The following TENT4B variants were observed in gnomAD, a reference collection of about 807,000 sequenced individuals.
TENT4B encodes terminal nucleotidyltransferase 4B.
TENT4B carries 10 observed loss-of-function variants against 75.0 expected under a neutral mutation model. The ratio of observed to expected loss-of-function variants is 0.13; its 90% CI spans 0.08 to 0.23. TENT4B has a LOEUF of 0.23. TENT4B is among the 10% of genes least tolerant of loss of function. The pLI, the probability that TENT4B is intolerant of heterozygous loss-of-function variation, is 1.00. For synonymous variants in TENT4B, 350 were observed against 357.7 expected (o/e 0.98, Z 0.24); for missense variants, 579 against 893.8 (o/e 0.65, Z 4.49).
chr16:50,228,139 C>G, intron 11 of TENT4B, 136 bp downstream of exon 11: 2 of 1,108,464 alleles, frequency 1.8e-6, no homozygotes, highest in Admixed American at 2.5e-5. Flanking sequence ...CTAAGAGGTT[C>G]CAACACATGA....
In TENT4B at chr16:50,232,352, T is replaced by C; in HGVS notation, c.*3024T>C. 1.0e-6 allele frequency: 1 copy of C among 985,406 alleles called. No individual in the cohort carries two copies. The highest frequency in any genetic ancestry group is 1.2e-6 in the Non-Finnish European group (1 of 829,932). 61.0% of individuals were successfully genotyped at this position (985,406 alleles called of 1,614,324 possible). A position where few individuals can be genotyped will look rare whatever the true frequency, so the allele number is the denominator to read the frequency against. On this transcript the variant is annotated 3_prime_UTR_variant, in exon 12 of 12. Transcript: ENST00000561678. The stretch of plus-strand genomic sequence containing the variant: ...TTGATTCTGTTTTATTTTTATCCTG[T>C]TTTGAGTGTACTTTACCTTTACTTG...
intron 10 of TENT4B, 146 bp from the exon 11 acceptor site, chr16:50,227,693 A>C: frequency 1.2e-6 from 1 of 841,132 alleles, no homozygotes; most frequent in South Asian, 1.9e-5. Context: ...ATTTAAACAA[A>C]CAGTTAATTT....
At chr16:50,224,632 T>G in intron 7 of TENT4B, 25 bp from the exon 8 acceptor site, 1 of 1,613,364 alleles carries the variant, frequency 6.2e-7, no homozygotes, top group Non-Finnish European at 8.5e-7. Context: ...TCAGGCTTAC[T>G]ATGTTACGTA....
At position 50,224,764 on chromosome 16, in the gene TENT4B, C is replaced by T. The variant is rs1478375531; in HGVS notation, c.1489C>T (p.Pro497Ser). 6.2e-7 allele frequency: 1 copy of T among 1,613,842 alleles called. No individual in the cohort carries two copies. The highest frequency in any genetic ancestry group is 8.5e-7 in the Non-Finnish European group (1 of 1,179,886). Reference protein sequence around the residue: ...HAVSPIAKYYPNNETESILGR... With the variant: ...HAVSPIAKYYSNNETESILGR... ...TGTATCACCAATAGCAAAGTACTAT[C>T]CCAACAATGAAACAGAAAGGTAAAA... is the stretch of plus-strand genomic sequence containing the variant. The change falls in exon 8 of 12, where the codon CCC (proline) becomes TCC (serine). Residue 497 changes from proline (P) to serine (S), a missense_variant. Physicochemically the swap from Pro to Ser is moderately conservative, Grantham distance 74. Coordinates refer to ENST00000561678, the MANE Select transcript of TENT4B (RefSeq NM_001365324.3).
chr16:50,182,818 T>G (rs1361854747), intron 1 of TENT4B, among the ~76,000 whole-genome samples: 2 of 151,314 alleles, frequency 1.3e-5, no homozygotes, highest in East Asian at 3.9e-4. Context: ...CCAGAAAGAT[T>G]GTGAGGTTTA....
intron 1 of TENT4B, among the ~76,000 whole-genome samples, chr16:50,177,157 C>G (rs1248073527): frequency 6.6e-6 from 1 of 151,946 alleles, no homozygotes; most frequent in Admixed American, 6.6e-5. Context: ...CATGCACCAC[C>G]ATGCCTGGCT....
At chr16:50,176,310 C>G (rs1255501666) in intron 1 of TENT4B, among the ~76,000 whole-genome samples, 1 of 151,712 alleles carries the variant, frequency 6.6e-6, no homozygotes, top group African/African-American at 2.4e-5. Flanking sequence ...GTCTCAAACT[C>G]CTGAGCTCAT....
rs1385677749 is a variant in TENT4B, at chr16:50,230,659, C to T, written c.*1331C>T. 1 of 985,286 alleles carries T rather than the reference C, an allele frequency of 1.0e-6. No homozygotes were observed. The highest frequency in any genetic ancestry group is 1.7e-5 in the African/African-American group (1 of 57,162). The allele number at this position is 985,286 out of a possible 1,614,324, so 61.0% of individuals were successfully genotyped here. On this transcript the variant is annotated 3_prime_UTR_variant, in exon 12 of 12. Transcript: ENST00000561678. Reference sequence around the variant, plus strand: ...TCCTCTTCTTTCATGGAATTGTTATCGTTAATTAAAACTTTTTTAAACATT... The same window carrying T: ...TCCTCTTCTTTCATGGAATTGTTATTGTTAATTAAAACTTTTTTAAACATT...
At chr16:50,219,173 A>G (rs2031712908) in intron 5 of TENT4B, among the ~76,000 whole-genome samples, 1 of 152,176 alleles carries the variant, frequency 6.6e-6, no homozygotes, top group East Asian at 1.9e-4. Context: ...GCATGATAAC[A>G]TTCATCAGTA....
intron 1 of TENT4B, among the ~76,000 whole-genome samples, chr16:50,201,590 C>G (rs934171012): frequency 3.3e-5 from 5 of 151,994 alleles, no homozygotes; most frequent in Non-Finnish European, 1.5e-5. Flanking sequence ...CACCTATAAT[C>G]CCAGCACTTT....
intron 1 of TENT4B, among the ~76,000 whole-genome samples, chr16:50,160,409 C>G (rs2037981936): frequency 6.6e-6 from 1 of 152,048 alleles, no homozygotes; most frequent in Admixed American, 6.6e-5. Flanking sequence ...ACCCAGTGGT[C>G]ACACAAAAGG....
Position 50,153,820 on chromosome 16 carries a change from G to A in TENT4B, c.199G>A (p.Gly67Ser). ...TATGGSGSSTGSPGGAASAPA... is the reference protein window; with the variant it reads ...TATGGSGSSTSSPGGAASAPA... The stretch of plus-strand genomic sequence containing the variant: ...CACCGGCGGGAGCGGCAGCAGCACC[G>A]GCAGCCCCGGCGGCGCGGCCTCGGC... Residue 67 changes from glycine (G) to serine (S), a missense_variant, in exon 1 of 12, where the codon GGC becomes AGC. Gly to Ser is a moderately conservative substitution (Grantham distance 56). Around this residue, in one of 7 missense-constraint regions of TENT4B, gnomAD observed 253 missense variants for 270.1 expected, o/e 0.94. Transcript: ENST00000561678. 8.1e-7 allele frequency: 1 copy of A among 1,232,590 alleles called. No individual in the cohort carries two copies. Among genetic ancestry groups the A allele is most frequent in the South Asian group, 3.7e-5 (1 of 27,254 alleles). The allele number at this position is 1,232,590 out of a possible 1,614,324, so 76.4% of individuals were successfully genotyped here. A position where few individuals can be genotyped will look rare whatever the true frequency, so the allele number is the denominator to read the frequency against.
chr16:50,164,427 G>A (rs965570654), intron 1 of TENT4B, among the ~76,000 whole-genome samples: 3 of 151,962 alleles, frequency 2.0e-5, no homozygotes, highest in African/African-American at 4.8e-5. Flanking sequence ...TTCTGCCTCA[G>A]CCTCCCGAGT....
chr16:50,211,250 TAA>T, intron 1 of TENT4B, 71 bp from the exon 2 acceptor site: 2 of 1,401,570 alleles, frequency 1.4e-6, no homozygotes, highest in South Asian at 3.0e-5. Flanking sequence ...CTTAATTAGA[TAA>T]GATTATTTAA....
At chr16:50,156,633 C>T (rs1323619684) in intron 1 of TENT4B, among the ~76,000 whole-genome samples, 1 of 152,044 alleles carries the variant, frequency 6.6e-6, no homozygotes, top group Non-Finnish European at 1.5e-5. Context: ...CATGAGCCAC[C>T]GTGCCCGGCC....
intron 1 of TENT4B, among the ~76,000 whole-genome samples, chr16:50,162,694 A>G (rs1387785464): frequency 6.6e-6 from 1 of 152,176 alleles, no homozygotes; most frequent in Non-Finnish European, 1.5e-5. Flanking sequence ...GTAACATTTT[A>G]ACTTTTTTTT....
chr16:50,230,850 C>G lies in TENT4B; in HGVS notation c.*1522C>G. 1 of 985,640 alleles carries G rather than the reference C, an allele frequency of 1.0e-6. No individual in the cohort carries two copies. Among genetic ancestry groups the G allele is most frequent in the Non-Finnish European group, 1.2e-6 (1 of 829,796 alleles). The allele number at this position is 985,640 out of a possible 1,614,324, so 61.1% of individuals were successfully genotyped here. A position where few individuals can be genotyped will look rare whatever the true frequency, so the allele number is the denominator to read the frequency against. ...AAAATGCTTTCTTTCAGGGTGAAAG[C>G]TCTTATGTTTAGCATCAATGTGTAT... On this transcript the variant is annotated 3_prime_UTR_variant, in exon 12 of 12. Transcript: ENST00000561678.
intron 1 of TENT4B, among the ~76,000 whole-genome samples, chr16:50,174,750 T>G (rs1437990533): frequency 6.8e-6 from 1 of 148,140 alleles, no homozygotes; most frequent in African/African-American, 2.5e-5. Context: ...CTCTTTTTTT[T>G]TTTTTTTTTT....
chr16:50,206,826 C>T (rs1175930660), intron 1 of TENT4B, among the ~76,000 whole-genome samples: 3 of 151,978 alleles, frequency 2.0e-5, no homozygotes, highest in Admixed American at 6.6e-5. Flanking sequence ...CCTCCCACCC[C>T]ATGACAAGCA....
Sources: allele counts gnomAD v4.1 joint callset (sites outside exome capture counted in the v4.1 genomes callset), GRCh38; gene constraint gnomAD v4.1.1; regional missense constraint gnomAD v4.1.1; transcripts MANE v1.5; gene names NCBI Gene and HGNC (gene_info 2026-07-23, HGNC 2026-07-21).